The following GPRIN3 variants were observed in gnomAD, a reference collection of about 807,000 sequenced individuals.
The protein encoded by GPRIN3 is GPRIN family member 3, also known as G protein-regulated inducer of neurite outgrowth 3.
Under a neutral mutation model 13.7 loss-of-function variants are expected in GPRIN3, and 12 were observed. The observed-to-expected ratio is 0.87, with a 90% confidence interval of 0.56 to 1.42. The LOEUF (loss-of-function observed/expected upper bound fraction) is 1.42. Among genes scored for constraint, GPRIN3 ranks in the 40% most tolerant of loss-of-function variants. GPRIN3 has a pLI of 0.00. For missense variants in GPRIN3, 1,009 were observed against 958.7 expected, an observed-to-expected ratio of 1.05 and a Z score of -0.69; for synonymous variants, 377 against 372.7, an observed-to-expected ratio of 1.01 and a Z score of -0.13.
In GPRIN3 at chr4:89,243,654, A is replaced by C. The variant is rs184071322; in HGVS notation, c.*4126T>G. On this transcript the variant is annotated 3_prime_UTR_variant, in exon 2 of 2. Transcript: ENST00000609438. ...CCACAAAGGGAAATTCACAGGCCTCACTTCTCAAACACCACTTAGAACAAA... is the reference window on the plus strand; with the variant it reads ...CCACAAAGGGAAATTCACAGGCCTCCCTTCTCAAACACCACTTAGAACAAA... 2.0e-5 allele frequency: 3 copies of C among 152,340 alleles called. No homozygotes were observed. Among genetic ancestry groups the C allele is most frequent in the Admixed American group, 6.5e-5 (1 of 15,298 alleles). 9.4% of individuals were successfully genotyped at this position (152,340 alleles called of 1,614,324 possible). A position where few individuals can be genotyped will look rare whatever the true frequency, so the allele number is the denominator to read the frequency against.
Position 89,249,066 on chromosome 4 carries a change from C to A in GPRIN3, c.1045G>T (p.Ala349Ser). Reference protein sequence around the residue: ...ILTAFLKESRAPEHFEQEQLR... With the variant: ...ILTAFLKESRSPEHFEQEQLR... ...TGCTCTTGTTCAAAATGCTCAGGAGCACGGCTTTCCTTCAGAAATGCAGTG... is the reference window on the plus strand; with the variant it reads ...TGCTCTTGTTCAAAATGCTCAGGAGAACGGCTTTCCTTCAGAAATGCAGTG... Residue 349 changes from alanine to serine, a missense_variant, in exon 2 of 2, where the codon GCT becomes TCT. Ala to Ser is a moderately conservative substitution (Grantham distance 99, BLOSUM62 1). Coordinates refer to ENST00000609438, the MANE Select transcript of GPRIN3 (RefSeq NM_198281.3). 1 of 1,614,180 alleles carries A rather than the reference C, an allele frequency of 6.2e-7. No individual in the cohort carries two copies. Among genetic ancestry groups the A allele is most frequent in the Non-Finnish European group, 8.5e-7 (1 of 1,180,028 alleles).
At chr4:89,297,180 C>A (rs2110022150) in intron 1 of GPRIN3, among the ~76,000 whole-genome samples, 1 of 152,260 alleles carries the variant, frequency 6.6e-6, no homozygotes, top group African/African-American at 2.4e-5. Flanking sequence ...GTAGTACAAA[C>A]CTCAGAGATT....
intron 1 of GPRIN3, among the ~76,000 whole-genome samples, chr4:89,291,145 A>C (rs998794164): frequency 1.3e-5 from 2 of 152,098 alleles, no homozygotes; most frequent in Non-Finnish European, 2.9e-5. Flanking sequence ...AACTAGGAGG[A>C]CGCTATATTC....
chr4:89,261,882 G>C (rs1000737749), intron 1 of GPRIN3, among the ~76,000 whole-genome samples: 2 of 152,054 alleles, frequency 1.3e-5, no homozygotes, highest in Non-Finnish European at 1.5e-5. Context: ...AGGCTGTAGG[G>C]GGGTGGATAG....
chr4:89,274,352 G>A (rs548539328), intron 1 of GPRIN3, among the ~76,000 whole-genome samples: 1 of 152,312 alleles, frequency 6.6e-6, no homozygotes, highest in African/African-American at 2.4e-5. Context: ...AAGCTGAAAT[G>A]TTTATTTGGA....
At chr4:89,255,847 T>C (rs1364334484) in intron 1 of GPRIN3, among the ~76,000 whole-genome samples, 1 of 152,212 alleles carries the variant, frequency 6.6e-6, no homozygotes, top group African/African-American at 2.4e-5. Flanking sequence ...TCTGTAACAT[T>C]ATAAATTCTT....
intron 1 of GPRIN3, among the ~76,000 whole-genome samples, chr4:89,259,363 G>A (rs748265379): frequency 2.6e-5 from 4 of 152,142 alleles, no homozygotes; most frequent in Non-Finnish European, 5.9e-5. Flanking sequence ...ATTCAAATCT[G>A]AATATTTTCT....
At chr4:89,259,222 T>C (rs1475543582) in intron 1 of GPRIN3, among the ~76,000 whole-genome samples, 2 of 152,192 alleles carry the variant, frequency 1.3e-5, no homozygotes, top group Non-Finnish European at 2.9e-5. Flanking sequence ...TTTTGGTCCG[T>C]TTTCAACAAA....
chr4:89,273,729 C>T (rs568131122), intron 1 of GPRIN3, among the ~76,000 whole-genome samples: 13 of 152,156 alleles, frequency 8.5e-5, no homozygotes, highest in Non-Finnish European at 1.8e-4. Flanking sequence ...CTCATGATTA[C>T]AGAAACACTT....
At chr4:89,260,811 C>G (rs58804371) in intron 1 of GPRIN3, among the ~76,000 whole-genome samples, 11,919 of 152,188 alleles carry the variant, frequency 0.078, 1,478 homozygotes, top group African/African-American at 0.26. Flanking sequence ...AATGGTCTTT[C>G]ATTAAAGATA....
Position 89,250,020 on chromosome 4 carries a change from C to G in GPRIN3, c.91G>C (p.Ala31Pro). The part of the protein sequence containing the change: ...KEDDLGEPQA[A>P]SPRHRPALLC... Reference sequence around the variant, plus strand: ...AGAGCTGGTCGATGCCGAGGTGAGGCAGCCTGTGGCTCTCCTAGATCGTCT... The same window carrying G: ...AGAGCTGGTCGATGCCGAGGTGAGGGAGCCTGTGGCTCTCCTAGATCGTCT... Residue 31 changes from alanine to proline, a missense_variant, in exon 2 of 2, where the codon GCC becomes CCC. Physicochemically the swap from Ala to Pro is conservative, Grantham distance 27. Coordinates refer to ENST00000609438, the MANE Select transcript of GPRIN3 (RefSeq NM_198281.3). 6.2e-7 allele frequency: 1 copy of G among 1,614,212 alleles called. No individual in the cohort carries two copies. The highest frequency in any genetic ancestry group is 8.5e-7 in the Non-Finnish European group (1 of 1,180,020).
chr4:89,290,849 T>C (rs911136790), intron 1 of GPRIN3, among the ~76,000 whole-genome samples: 3 of 152,174 alleles, frequency 2.0e-5, no homozygotes, highest in African/African-American at 4.8e-5. Flanking sequence ...GACTGCCGCA[T>C]GCCCCATTCA....
chr4:89,255,055 T>TGC, intron 1 of GPRIN3, among the ~76,000 whole-genome samples: 1 of 152,322 alleles, frequency 6.6e-6, no homozygotes, highest in East Asian at 1.9e-4. Context: ...GGGTTGTGTG[T>TGC]GCAGCTGGGT....
intron 1 of GPRIN3, among the ~76,000 whole-genome samples, chr4:89,268,147 G>A (rs1723833448): frequency 6.6e-6 from 1 of 152,128 alleles, no homozygotes; most frequent in Non-Finnish European, 1.5e-5. Flanking sequence ...GAAACAATTA[G>A]AAAACTTAAA....
chr4:89,300,764 C>T (rs1330247668), intron 1 of GPRIN3, among the ~76,000 whole-genome samples: 2 of 152,156 alleles, frequency 1.3e-5, no homozygotes, highest in Non-Finnish European at 1.5e-5. Context: ...TGACTGTTTT[C>T]AGAACATGTT....
chr4:89,270,582 TATA>T (rs202072578), intron 1 of GPRIN3, among the ~76,000 whole-genome samples: 1 of 125,226 alleles, frequency 8.0e-6, no homozygotes, highest in African/African-American at 3.3e-5. Context: ...TATATATATA[TATA>T]TATATATATA....
At chr4:89,251,169 T>A (rs992597890) in intron 1 of GPRIN3, 1 of 152,170 alleles carries the variant, frequency 6.6e-6, no homozygotes, top group African/African-American at 2.4e-5. Flanking sequence ...AAAACATAGT[T>A]TACAAGATAC....
At chr4:89,285,432 C>T (rs1578106149) in intron 1 of GPRIN3, among the ~76,000 whole-genome samples, 2 of 152,086 alleles carry the variant, frequency 1.3e-5, no homozygotes. Flanking sequence ...TGTGGCATGG[C>T]CAGCCTCGCA....
At chr4:89,289,217 G>A (rs1724505060) in intron 1 of GPRIN3, among the ~76,000 whole-genome samples, 1 of 150,674 alleles carries the variant, frequency 6.6e-6, no homozygotes, top group Non-Finnish European at 1.5e-5. Context: ...TCATGTGCCT[G>A]GTCGTCTTCT....
Sources: gnomAD v4.1 joint callset for allele counts (sites outside exome capture counted in the v4.1 genomes callset) on GRCh38, gnomAD v4.1.1 for gene constraint, MANE v1.5 for transcripts, NCBI Gene and HGNC (gene_info 2026-07-23, HGNC 2026-07-21) for gene names.